The following RBFOX1 variants were observed in gnomAD, a reference collection of about 807,000 sequenced individuals.
RBFOX1 encodes RNA binding protein fox-1 homolog 1.
RBFOX1 carries 8 observed loss-of-function variants against 57.7 expected under a neutral mutation model. The ratio of observed to expected loss-of-function variants is 0.14; its 90% CI spans 0.08 to 0.25. The LOEUF is 0.25. RBFOX1 is among the 10% of genes least tolerant of loss of function. The pLI is 1.00. For missense variants in RBFOX1, 611 were observed against 548.5 expected (o/e 1.11, Z -1.14); for synonymous variants, 326 against 222.4 (o/e 1.47, Z -4.15).
rs577113386 is a variant in RBFOX1 at position 7,054,842 on chromosome 16, G to C, written c.27+2744G>C. Among the ~76,000 whole-genome samples, 14 of 152,286 alleles carry C rather than the reference G, an allele frequency of 9.2e-5. No homozygotes were observed. In the South Asian group the frequency reaches 2.5e-3, roughly 27 times the overall value. On this transcript the variant is annotated intron_variant, in intron 4 of 15. Coordinates refer to ENST00000550418, the MANE Select transcript of RBFOX1 (RefSeq NM_018723.4). The stretch of plus-strand genomic sequence containing the variant: ...CCTTCATTAGTGCATTCTGTTGTCA[G>C]AATTCAGGGATATAAGTGGATAGTT...
intron 3 of RBFOX1, among the ~76,000 whole-genome samples, chr16:6,877,362 G>T (rs1363700347): frequency 6.6e-6 from 1 of 152,150 alleles, no homozygotes; most frequent in African/African-American, 2.4e-5. Context: ...ACACAAAAAT[G>T]TAATTCTCTA....
chr16:7,065,451 G>GT (rs1598528114), intron 4 of RBFOX1, among the ~76,000 whole-genome samples: 3 of 152,210 alleles, frequency 2.0e-5, no homozygotes, highest in East Asian at 3.9e-4. Context: ...TTTTGCATGG[G>GT]TTTTTCTGAA....
At chr16:7,024,508 G>T (rs1568419128) in intron 3 of RBFOX1, among the ~76,000 whole-genome samples, 2 of 152,056 alleles carry the variant, frequency 1.3e-5, no homozygotes, top group Admixed American at 6.6e-5. Context: ...GTAGTTATAG[G>T]CCCTTGTGCA....
chr16:5,822,222 G>C (rs1051312854), intron 3 of RBFOX1, among the ~76,000 whole-genome samples: 1 of 152,270 alleles, frequency 6.6e-6, no homozygotes, highest in African/African-American at 2.4e-5. Context: ...TGATATGTGA[G>C]AGCTAAGCTA....
rs112593047 is a variant in RBFOX1, at chr16:7,306,105, T to C, written c.28-212042T>C. ...TTTATTAATCAATTTGAATATCATT[T>C]ACCTAGCAAGTAGAATGCTATAGGT... On this transcript the variant is annotated intron_variant, in intron 4 of 15. Coordinates refer to ENST00000550418, the MANE Select transcript of RBFOX1 (RefSeq NM_018723.4). Among the ~76,000 whole-genome samples the C allele has an allele frequency of 3.6e-3, 551 of 152,358 alleles. 4 individuals carry two copies. Among genetic ancestry groups the C allele is most frequent in the African/African-American group, 0.013 (525 of 41,576 alleles).
chr16:7,578,355 G>T (rs1507003), intron 5 of RBFOX1, among the ~76,000 whole-genome samples: 2 of 152,182 alleles, frequency 1.3e-5, no homozygotes, highest in Admixed American at 6.5e-5. Flanking sequence ...CTTAAAAGCT[G>T]AAGTCAACTG....
intron 2 of RBFOX1, among the ~76,000 whole-genome samples, chr16:6,365,881 A>G (rs2152880333): frequency 6.6e-6 from 1 of 152,328 alleles, no homozygotes; most frequent in African/African-American, 2.4e-5. Flanking sequence ...CTCAATACCT[A>G]GAATAGAGAG....
chr16:6,932,305 C>T (rs997431270), intron 3 of RBFOX1, among the ~76,000 whole-genome samples: 14 of 152,060 alleles, frequency 9.2e-5, no homozygotes, highest in African/African-American at 3.4e-4. Context: ...CGGGGTTTCA[C>T]CCTGTTGGCC....
chr16:6,056,428 C>A (rs533319546), intron 1 of RBFOX1, among the ~76,000 whole-genome samples: 67 of 152,304 alleles, frequency 4.4e-4, no homozygotes, highest in African/African-American at 1.6e-3. Flanking sequence ...CTTTCTTCCC[C>A]TACCCCTTTT....
At chr16:5,295,346 A>G (rs1249394905) in intron 1 of RBFOX1, among the ~76,000 whole-genome samples, 4 of 152,148 alleles carry the variant, frequency 2.6e-5, no homozygotes, top group Non-Finnish European at 5.9e-5. Flanking sequence ...TTAGTTATCT[A>G]TTGCTGGGCA....
At chr16:6,928,813 A>G (rs1323128153) in intron 3 of RBFOX1, among the ~76,000 whole-genome samples, 1 of 152,146 alleles carries the variant, frequency 6.6e-6, no homozygotes, top group Non-Finnish European at 1.5e-5. Context: ...CACACAGAAA[A>G]AGAACAGTAA....
chr16:6,587,550 G>C (rs1244781455), intron 2 of RBFOX1, among the ~76,000 whole-genome samples: 1 of 152,128 alleles, frequency 6.6e-6, no homozygotes, highest in Non-Finnish European at 1.5e-5. Flanking sequence ...TGAAATTGCT[G>C]GGATTACAGA....
chr16:6,432,829 T>G (rs2094136481), intron 2 of RBFOX1, among the ~76,000 whole-genome samples: 1 of 151,720 alleles, frequency 6.6e-6, no homozygotes, highest in African/African-American at 2.4e-5. Context: ...AATACAAAAC[T>G]TAGCTGGGCG....
intron 4 of RBFOX1, among the ~76,000 whole-genome samples, chr16:7,390,453 C>G (rs957598295): frequency 6.6e-6 from 1 of 152,196 alleles, no homozygotes; most frequent in African/African-American, 2.4e-5. Context: ...AGGGACCTTA[C>G]TCACATCTTC....
intron 3 of RBFOX1, among the ~76,000 whole-genome samples, chr16:6,794,434 C>T (rs978600815): frequency 6.6e-6 from 1 of 151,956 alleles, no homozygotes. Context: ...TGCTCAGATT[C>T]CCTTCAGGAT....
intron 4 of RBFOX1, among the ~76,000 whole-genome samples, chr16:7,227,232 G>C (rs201789497): frequency 6.6e-6 from 1 of 151,140 alleles, no homozygotes; most frequent in Non-Finnish European, 1.5e-5. Context: ...CATGCCATGT[G>C]CTCTATCTGT....
At chr16:5,785,113 C>A (rs114855663) in intron 3 of RBFOX1, among the ~76,000 whole-genome samples, 1 of 152,134 alleles carries the variant, frequency 6.6e-6, no homozygotes, top group Non-Finnish European at 1.5e-5. Context: ...TTACCTTCCA[C>A]GGATTTATTT....
chr16:6,863,285 G>A (rs1199379389), intron 3 of RBFOX1, among the ~76,000 whole-genome samples: 1 of 152,098 alleles, frequency 6.6e-6, no homozygotes, highest in Non-Finnish European at 1.5e-5. Flanking sequence ...GATGCAGACT[G>A]GGAAAAGTGA....
chr16:6,474,773 T>A (rs1439376849), intron 2 of RBFOX1, among the ~76,000 whole-genome samples: 2 of 152,204 alleles, frequency 1.3e-5, no homozygotes, highest in Admixed American at 1.3e-4. Context: ...CTTCTAGAAT[T>A]CTGGTTCCTT....
Sources: allele counts gnomAD v4.1 joint callset (sites outside exome capture counted in the v4.1 genomes callset), GRCh38; gene constraint gnomAD v4.1.1; transcripts MANE v1.5; gene names NCBI Gene and HGNC (gene_info 2026-07-23, HGNC 2026-07-21).